WWC1: variants seen among roughly 807,000 people sequenced by gnomAD.
WWC1 encodes protein KIBRA.
Under a neutral mutation model 138.4 loss-of-function variants are expected in WWC1, and 55 were observed. The observed-to-expected ratio is 0.40, with a 90% CI of 0.32 to 0.50. WWC1 has a LOEUF of 0.50. WWC1 is among the 20% of genes least tolerant of loss of function. The probability of loss-of-function intolerance (pLI) is 0.72; values close to 1 mark genes in which losing one functional copy is unlikely to be tolerated. For missense variants in WWC1, 1,226 were observed against 1,420.4 expected (o/e 0.86, Z 2.20); for synonymous variants, 524 against 564.9 (o/e 0.93, Z 1.03).
chr5:168,348,324 T>C (rs1774652005), intron 1 of WWC1, among the ~76,000 whole-genome samples: 1 of 152,158 alleles, frequency 6.6e-6, no homozygotes, highest in Non-Finnish European at 1.5e-5. Flanking sequence ...ACCCTCACCC[T>C]CTCTACTGTT....
intron 1 of WWC1, among the ~76,000 whole-genome samples, chr5:168,312,480 T>C (rs1771199224): frequency 6.6e-6 from 1 of 152,256 alleles, no homozygotes; most frequent in Non-Finnish European, 1.5e-5. Flanking sequence ...CCATCTACTT[T>C]GAAGGGTTGT....
intron 1 of WWC1, among the ~76,000 whole-genome samples, chr5:168,355,664 T>C (rs1775350691): frequency 6.6e-6 from 1 of 151,884 alleles, no homozygotes; most frequent in Admixed American, 6.6e-5. Context: ...TTGAGAAAGG[T>C]GAAGCTGGAG....
intron 20 of WWC1, among the ~76,000 whole-genome samples, chr5:168,462,655 C>T (rs1352187767): frequency 6.6e-6 from 1 of 152,194 alleles, no homozygotes; most frequent in East Asian, 1.9e-4. Flanking sequence ...TTCATCATCC[C>T]CTGTTCCCCT....
intron 20 of WWC1, among the ~76,000 whole-genome samples, chr5:168,462,512 A>G (rs1315822678): frequency 6.6e-6 from 1 of 152,200 alleles, no homozygotes; most frequent in African/African-American, 2.4e-5. Context: ...CTGCATTTTA[A>G]CAAAGCTCCT....
chr5:168,446,151 C>T (rs1292842206), intron 17 of WWC1, among the ~76,000 whole-genome samples: 3 of 138,484 alleles, frequency 2.2e-5, no homozygotes, highest in African/African-American at 5.4e-5. Flanking sequence ...GTGGAAAACA[C>T]AGTGTAATGA....
chr5:168,349,202 T>C (rs764068544), intron 1 of WWC1, among the ~76,000 whole-genome samples: 2 of 152,058 alleles, frequency 1.3e-5, no homozygotes, highest in Non-Finnish European at 2.9e-5. Context: ...CGAATTCCCA[T>C]GATTGTGTCC....
intron 3 of WWC1, among the ~76,000 whole-genome samples, chr5:168,386,650 C>G (rs1778072685): frequency 6.6e-6 from 1 of 151,564 alleles, no homozygotes; most frequent in South Asian, 2.1e-4. Flanking sequence ...CTGCCTCAGC[C>G]TCCCAAAGTG....
chr5:168,400,828 G>A (rs1779251954), intron 5 of WWC1, among the ~76,000 whole-genome samples: 1 of 139,316 alleles, frequency 7.2e-6, no homozygotes. Flanking sequence ...ATGAGAGAGA[G>A]AGAGAGAGAG....
Position 168,392,816 on chromosome 5 carries a change from C to A in WWC1, c.434-4908C>A, listed in dbSNP as rs559659595. 7.2e-5 allele frequency among the ~76,000 whole-genome samples: 11 copies of A among 152,242 alleles called. No homozygotes were observed. In the South Asian group the frequency reaches 2.1e-3, roughly 29 times the overall value. On this transcript the variant is annotated intron_variant, in intron 3 of 22. Transcript: ENST00000265293. ...AAATATGAGCAGAAAACCAAGATTC[C>A]AGATATCCGAGGAAAGCCTCTAACA...
At chr5:168,349,002 T>C (rs1774709117) in intron 1 of WWC1, among the ~76,000 whole-genome samples, 1 of 152,152 alleles carries the variant, frequency 6.6e-6, no homozygotes, top group East Asian at 1.9e-4. Flanking sequence ...GGATGATTGT[T>C]ATCCCCATTT....
At chr5:168,359,952 A>G (rs965013111) in intron 1 of WWC1, among the ~76,000 whole-genome samples, 3 of 152,242 alleles carry the variant, frequency 2.0e-5, no homozygotes, top group Non-Finnish European at 2.9e-5. Context: ...CCAGCTTAAG[A>G]GTCCTGCTTT....
Position 168,471,602 on chromosome 5 carries a change from A to C in WWC1, c.*2585A>C, listed in dbSNP as rs1288315437. 1 of 152,282 alleles carries C rather than the reference A, an allele frequency of 6.6e-6. No individual in the cohort carries two copies. The allele number at this position is 152,282 out of a possible 1,614,324, so 9.4% of individuals were successfully genotyped here. ...GCCACAGCAACGGGGCAAATGCCCC[A>C]AGCTGGCTGTAAGTGACCCATCCCT... On this transcript the variant is annotated 3_prime_UTR_variant, in exon 23 of 23. Transcript: ENST00000265293.
rs1769159070 is a variant in WWC1, at chr5:168,292,608, G to A, written c.119+337G>A. ...TAGGAAGAGAGGTCGGGCGGGGGCG[G>A]GGGTTGGGGGAGCGACCTAGCCGGG... On this transcript the variant is annotated intron_variant, in intron 1 of 22. Coordinates refer to ENST00000265293, the MANE Select transcript of WWC1 (RefSeq NM_015238.3). This position sits in a 1 kb window ranked among gnomAD's most constrained non-coding sequence, Gnocchi z 4.4. Among the ~76,000 whole-genome samples the A allele has an allele frequency of 6.6e-6, 1 of 152,126 alleles. No homozygotes were observed. Among genetic ancestry groups the A allele is most frequent in the South Asian group, 2.1e-4 (1 of 4,820 alleles).
At chr5:168,423,162 A>AAAAAAAAAAAAC (rs1561743499) in intron 10 of WWC1, among the ~76,000 whole-genome samples, 34 of 108,686 alleles carry the variant, frequency 3.1e-4, no homozygotes, top group Non-Finnish European at 4.7e-4. Context: ...AAAAAAAAAA[A>AAAAAAAAAAAAC]AAAAAAAAAA....
chr5:168,365,433 A>G (rs1198439638), intron 1 of WWC1, among the ~76,000 whole-genome samples: 1 of 152,182 alleles, frequency 6.6e-6, no homozygotes, highest in Non-Finnish European at 1.5e-5. Flanking sequence ...CACTAGGAAC[A>G]TGAAAGATAG....
chr5:168,295,488 G>T (rs1769462342), intron 1 of WWC1, among the ~76,000 whole-genome samples: 1 of 143,324 alleles, frequency 7.0e-6, no homozygotes, highest in South Asian at 2.1e-4. Flanking sequence ...TACTCCGTGT[G>T]TGTGTGTGTG....
intron 13 of WWC1, 42 bp downstream of exon 13, chr5:168,428,829 T>G: frequency 6.2e-7 from 1 of 1,604,426 alleles, no homozygotes; most frequent in Non-Finnish European, 8.5e-7. Flanking sequence ...ACGGTCTGTG[T>G]GGGGTCCCTT....
chr5:168,408,412 T>TA, intron 6 of WWC1, 95 bp from the exon 7 acceptor site: 1 of 1,450,528 alleles, frequency 6.9e-7, no homozygotes, highest in Non-Finnish European at 9.4e-7. Context: ...GTTCCTAAAT[T>TA]AAGGGAGGGT....
At chr5:168,296,537 TTCATAA>T (rs1163392176) in intron 1 of WWC1, among the ~76,000 whole-genome samples, 1 of 152,170 alleles carries the variant, frequency 6.6e-6, no homozygotes, top group Non-Finnish European at 1.5e-5. Context: ...GGACCCCAGG[TTCATAA>T]CCCCTGCCAT....
Sources: gnomAD v4.1 joint callset for allele counts (sites outside exome capture counted in the v4.1 genomes callset) on GRCh38, gnomAD v4.1.1 for gene constraint, Gnocchi (gnomAD v3.1) non-coding constraint, MANE v1.5 for transcripts, NCBI Gene and HGNC (gene_info 2026-07-23, HGNC 2026-07-21) for gene names.